The following CPM variants were observed in gnomAD, a reference collection of about 807,000 sequenced individuals.
The protein encoded by CPM is renal carboxypeptidase.
In CPM, 35 loss-of-function variants were observed where a neutral mutation model predicts 46.4. The observed-to-expected ratio is 0.75, with a 90% CI of 0.58 to 1.00. The LOEUF is 1.00. CPM is among the 50% of genes least tolerant of loss of function. The pLI is 0.00. For synonymous variants in CPM, 195 were observed against 195.3 expected (o/e 1.00, Z 0.01); for missense variants, 422 against 530.4 (o/e 0.80, Z 2.01).
rs114652769 is a variant in CPM, at chr12:68,866,249, A to G, written c.940+647T>C. Among the ~76,000 whole-genome samples, 798 of 152,336 alleles carry G rather than the reference A, an allele frequency of 5.2e-3. 3 individuals carry two copies. The highest frequency in any genetic ancestry group is 0.018 in the African/African-American group (737 of 41,584). ...TTTTCTAAATGGGAGATGATGTAAC[A>G]GAGTAGCAGCCTATTTTCCTGATAT... On this transcript the variant is annotated intron_variant, in intron 7 of 8. Coordinates refer to ENST00000551568, the MANE Select transcript of CPM (RefSeq NM_198320.5).
In CPM at chr12:68,858,912, T is replaced by C. The variant is rs1885091239; in HGVS notation, c.1089+11A>G. The C allele has an allele frequency of 9.1e-6, 13 of 1,426,004 alleles. No individual in the cohort carries two copies. Among genetic ancestry groups the C allele is most frequent in the Non-Finnish European group, 1.1e-5 (12 of 1,075,986 alleles). The allele number at this position is 1,426,004 out of a possible 1,614,324, so 88.3% of individuals were successfully genotyped here. On this transcript the variant is annotated intron_variant, in intron 8 of 8. Coordinates refer to ENST00000551568, the MANE Select transcript of CPM (RefSeq NM_198320.5). ...ATATTTTAATAACAATAACTAGCATTGCATACTTACATTTATTATATAAGA... is the reference window on the plus strand; with the variant it reads ...ATATTTTAATAACAATAACTAGCATCGCATACTTACATTTATTATATAAGA...
intron 2 of CPM, among the ~76,000 whole-genome samples, chr12:68,886,204 G>A (rs1886418813): frequency 6.6e-6 from 1 of 152,006 alleles, no homozygotes; most frequent in Non-Finnish European, 1.5e-5. Flanking sequence ...TGAGATCCTG[G>A]AGCCTTTGAG....
intron 2 of CPM, among the ~76,000 whole-genome samples, chr12:68,922,494 G>A (rs950219466): frequency 1.3e-5 from 2 of 152,180 alleles, no homozygotes; most frequent in African/African-American, 2.4e-5. Context: ...TAAAGACTGG[G>A]GTAGTAGGCA....
intron 2 of CPM, among the ~76,000 whole-genome samples, chr12:68,888,248 T>C (rs1274092766): frequency 2.2e-4 from 34 of 152,164 alleles, no homozygotes; most frequent in Admixed American, 2.2e-3. Flanking sequence ...TAATGTAAGA[T>C]GACATAAACC....
chr12:68,882,268 A>G (rs538128950), intron 3 of CPM, among the ~76,000 whole-genome samples: 1 of 152,112 alleles, frequency 6.6e-6, no homozygotes, highest in African/African-American at 2.4e-5. Context: ...AGATGCTGGT[A>G]GCTATTGTTC....
intron 1 of CPM, among the ~76,000 whole-genome samples, chr12:68,962,181 C>G (rs1269584759): frequency 3.8e-5 from 5 of 133,226 alleles, no homozygotes; most frequent in Non-Finnish European, 7.6e-5. Flanking sequence ...GCCTGGGCGA[C>G]AGAGCGAGAC....
At chr12:68,944,463 G>C (rs548001655) in intron 1 of CPM, among the ~76,000 whole-genome samples, 17 of 152,258 alleles carry the variant, frequency 1.1e-4, no homozygotes, top group Admixed American at 4.6e-4. Context: ...GAGTGCAGTG[G>C]TATAATCATA....
chr12:68,899,299 T>G (rs1473600007), intron 2 of CPM, among the ~76,000 whole-genome samples: 1 of 152,206 alleles, frequency 6.6e-6, no homozygotes, highest in Non-Finnish European at 1.5e-5. Context: ...CTGAATCTCA[T>G]TCAGAATTCC....
intron 2 of CPM, among the ~76,000 whole-genome samples, chr12:68,905,686 G>A (rs117949737): frequency 0.017 from 2,616 of 152,070 alleles, 30 homozygotes; most frequent in Middle Eastern, 0.027. Flanking sequence ...TGGTGAGTAG[G>A]TCTACGCAAA....
intron 1 of CPM, among the ~76,000 whole-genome samples, chr12:68,955,393 A>G (rs1888998117): frequency 6.6e-6 from 1 of 151,950 alleles, no homozygotes. Context: ...GGACCACAGA[A>G]CCGTGGGTGT....
chr12:68,858,877 G>T (rs1458730710), intron 8 of CPM, 46 bp downstream of exon 8: 2 of 1,193,916 alleles, frequency 1.7e-6, no homozygotes, highest in East Asian at 2.8e-5. Flanking sequence ...TAAGTATTAT[G>T]AGTTCTATAA....
intron 1 of CPM, among the ~76,000 whole-genome samples, chr12:68,945,161 G>T (rs1487140280): frequency 6.6e-6 from 1 of 152,126 alleles, no homozygotes; most frequent in Admixed American, 6.6e-5. Flanking sequence ...CAGAATTCAG[G>T]TCCCTCCAAT....
intron 1 of CPM, among the ~76,000 whole-genome samples, chr12:68,950,701 C>T (rs1478854337): frequency 6.6e-6 from 1 of 152,196 alleles, no homozygotes; most frequent in Non-Finnish European, 1.5e-5. Flanking sequence ...CCAGATTGCT[C>T]CTTCAGCTTC....
chr12:68,906,997 C>G (rs1349906122), intron 2 of CPM, among the ~76,000 whole-genome samples: 1 of 152,224 alleles, frequency 6.6e-6, no homozygotes, highest in Non-Finnish European at 1.5e-5. Flanking sequence ...ATGAACACAT[C>G]ACATCTTATA....
chr12:68,924,574 G>A (rs1888180327), intron 2 of CPM, among the ~76,000 whole-genome samples: 1 of 152,010 alleles, frequency 6.6e-6, no homozygotes, highest in South Asian at 2.1e-4. Context: ...AAGGTACTCT[G>A]CGTATTATGT....
upstream of CPM, among the ~76,000 whole-genome samples, chr12:68,936,292 A>G (rs1358213803): frequency 6.6e-6 from 1 of 152,198 alleles, no homozygotes; most frequent in Non-Finnish European, 1.5e-5. Flanking sequence ...AAAAAAATTT[A>G]GTGTTAAGAG....
At chr12:68,929,714 A>G (rs974299190) in intron 2 of CPM, among the ~76,000 whole-genome samples, 1 of 152,226 alleles carries the variant, frequency 6.6e-6, no homozygotes, top group Non-Finnish European at 1.5e-5. Context: ...CCCTGTTTAT[A>G]ACAGAGTTAA....
chr12:68,940,675 C>T (rs1888746439), intron 1 of CPM, among the ~76,000 whole-genome samples: 1 of 151,432 alleles, frequency 6.6e-6, no homozygotes. Flanking sequence ...TTGAGTAGGA[C>T]CACCATCCAA....
At chr12:68,881,918 C>T (rs1277052320) in intron 3 of CPM, among the ~76,000 whole-genome samples, 1 of 151,100 alleles carries the variant, frequency 6.6e-6, no homozygotes, top group Non-Finnish European at 1.5e-5. Context: ...GATGGGGTTT[C>T]ACCATGTTGG....
Sources: allele counts gnomAD v4.1 joint callset (sites outside exome capture counted in the v4.1 genomes callset), GRCh38; gene constraint gnomAD v4.1.1; transcripts MANE v1.5; gene names NCBI Gene and HGNC (gene_info 2026-07-23, HGNC 2026-07-21).